The following SAMMSON variants were observed in gnomAD, a reference collection of about 807,000 sequenced individuals.
The protein encoded by SAMMSON is survival associated mitochondrial melanoma specific oncogenic non-coding RNA.
intron 9 of SAMMSON, among the ~76,000 whole-genome samples, chr3:70,387,650 A>G (rs1703133443): frequency 6.6e-6 from 1 of 152,100 alleles, no homozygotes; most frequent in African/African-American, 2.4e-5. Context: ...AGATATTCTG[A>G]ATACCTAAGG....
chr3:70,014,420 C>T (rs1468338972), intron 3 of SAMMSON: 1 of 152,198 alleles, frequency 6.6e-6, no homozygotes, highest in South Asian at 2.1e-4. Flanking sequence ...AGAAAGGTTG[C>T]CTGCTTCTGG....
At chr3:70,125,259 T>G (rs1680164683) in intron 4 of SAMMSON, 7 of 1,268,960 alleles carry the variant, frequency 5.5e-6, no homozygotes, top group Non-Finnish European at 6.9e-6. Context: ...ATATCAAACA[T>G]GATCTACTGT....
intron 1 of SAMMSON, among the ~76,000 whole-genome samples, chr3:70,011,575 TTGTA>T (rs2066955966): frequency 6.6e-6 from 1 of 152,000 alleles, no homozygotes; most frequent in Non-Finnish European, 1.5e-5. Context: ...GACTCCATAA[TTGTA>T]TGTGAGACTG....
At chr3:70,398,040 TAATG>T (rs1434014076) in intron 2 of SAMMSON, among the ~76,000 whole-genome samples, 1 of 152,198 alleles carries the variant, frequency 6.6e-6, no homozygotes, top group Non-Finnish European at 1.5e-5. Flanking sequence ...TTTTGAATAA[TAATG>T]GTCACAGTGG....
intron 9 of SAMMSON, among the ~76,000 whole-genome samples, chr3:70,363,596 G>A (rs897628037): frequency 2.0e-5 from 3 of 151,996 alleles, no homozygotes; most frequent in Non-Finnish European, 4.4e-5. Context: ...AGAGGACTAT[G>A]TATGTGCATG....
chr3:70,125,520 GA>G (rs1210034996), intron 4 of SAMMSON: 1 of 702,808 alleles, frequency 1.4e-6, no homozygotes, highest in Non-Finnish European at 2.5e-6. Context: ...TTAGGTTTGG[GA>G]AAGATTTTTC....
intron 4 of SAMMSON, among the ~76,000 whole-genome samples, chr3:70,111,352 A>G (rs977400903): frequency 6.6e-6 from 1 of 152,244 alleles, no homozygotes; most frequent in African/African-American, 2.4e-5. Flanking sequence ...GGAATCATCC[A>G]GAATAATGAT....
intron 3 of SAMMSON, chr3:70,065,165 T>C (rs2067204986): frequency 4.6e-5 from 7 of 152,090 alleles, no homozygotes; most frequent in Admixed American, 3.9e-4. Flanking sequence ...CTTCTGAAAA[T>C]TGAAAACTAA....
chr3:70,267,209 C>G (rs1486868273), intron 6 of SAMMSON, among the ~76,000 whole-genome samples: 1 of 151,940 alleles, frequency 6.6e-6, no homozygotes, highest in African/African-American at 2.4e-5. Context: ...ATGTTTTAGA[C>G]AGTAAAAGAA....
intron 7 of SAMMSON, among the ~76,000 whole-genome samples, chr3:70,318,479 T>TGA (rs1230394446): frequency 1.3e-5 from 2 of 151,728 alleles, no homozygotes; most frequent in African/African-American, 2.4e-5. Flanking sequence ...TGTGTGTGTG[T>TGA]GAGTGTGTGT....
intron 6 of SAMMSON, among the ~76,000 whole-genome samples, chr3:70,266,048 G>T (rs573402285): frequency 5.3e-5 from 8 of 152,266 alleles, no homozygotes; most frequent in African/African-American, 1.9e-4. Context: ...TGCTTATTCA[G>T]AAAAGAGAAT....
chr3:70,226,464 G>A lies in SAMMSON; in HGVS notation n.508-22643G>A, dbSNP rs148526478. Reference sequence around the variant, plus strand: ...TAAAAATTAGTGTTCAAGGCTGGGCGCAGTGGCTCACGCCTGTAATCCCAA... The same window carrying A: ...TAAAAATTAGTGTTCAAGGCTGGGCACAGTGGCTCACGCCTGTAATCCCAA... On this transcript the variant is annotated intron_variant and non_coding_transcript_variant, in intron 4 of 9. Transcript: ENST00000642114. Among the ~76,000 whole-genome samples, 452 of 152,270 alleles carry A rather than the reference G, an allele frequency of 3.0e-3. 3 individuals are homozygous for A. The highest frequency in any genetic ancestry group is 0.01 in the African/African-American group (429 of 41,562).
At chr3:70,348,478 C>CAGAG (rs150383912) in intron 7 of SAMMSON, among the ~76,000 whole-genome samples, 3 of 149,338 alleles carry the variant, frequency 2.0e-5, no homozygotes, top group Non-Finnish European at 4.5e-5. Flanking sequence ...CCTTACATGG[C>CAGAG]AGAGAGAGAG....
intron 9 of SAMMSON, among the ~76,000 whole-genome samples, chr3:70,371,514 TTTTC>T (rs1308774905): frequency 1.3e-5 from 2 of 151,990 alleles, no homozygotes; most frequent in Non-Finnish European, 2.9e-5. Context: ...TTTTTGTTAT[TTTTC>T]TTTTTTTGTT....
At chr3:70,212,027 C>T (rs1179526963) in intron 4 of SAMMSON, among the ~76,000 whole-genome samples, 7 of 152,114 alleles carry the variant, frequency 4.6e-5, no homozygotes, top group African/African-American at 1.4e-4. Flanking sequence ...ACTTTGTCCT[C>T]TTAGTTTCTT....
At chr3:70,258,835 G>A (rs1405542640) in intron 6 of SAMMSON, among the ~76,000 whole-genome samples, 1 of 152,088 alleles carries the variant, frequency 6.6e-6, no homozygotes, top group Admixed American at 6.6e-5. Flanking sequence ...CAAAAACGCT[G>A]AGAGCAGGTG....
chr3:70,080,295 T>A (rs566208165), intron 4 of SAMMSON, among the ~76,000 whole-genome samples: 12 of 152,330 alleles, frequency 7.9e-5, no homozygotes, highest in African/African-American at 2.9e-4. Flanking sequence ...GTCTGGTCCC[T>A]CCTTGCCCAG....
At chr3:70,089,138 A>G (rs1205374913) in intron 4 of SAMMSON, among the ~76,000 whole-genome samples, 1 of 152,230 alleles carries the variant, frequency 6.6e-6, no homozygotes, top group Non-Finnish European at 1.5e-5. Flanking sequence ...ATTGCTTGCT[A>G]TAATTTGCTA....
chr3:70,070,770 C>T (rs557098559), intron 3 of SAMMSON, among the ~76,000 whole-genome samples: 109 of 151,862 alleles, frequency 7.2e-4, no homozygotes, highest in Non-Finnish European at 1.3e-3. Flanking sequence ...ATGAGCAATA[C>T]TGTATTGAGG....
Sources: gnomAD v4.1 joint callset for allele counts (sites outside exome capture counted in the v4.1 genomes callset) on GRCh38, gnomAD v4.1.1 for gene constraint, MANE v1.5 for transcripts, NCBI Gene and HGNC (gene_info 2026-07-23, HGNC 2026-07-21) for gene names.